PDCL2: variants seen among roughly 807,000 people sequenced by gnomAD.
PDCL2 encodes the protein phosducin-like protein 2.
A neutral mutation model predicts 30.3 loss-of-function variants in PDCL2; 23 were observed. The ratio of observed to expected loss-of-function variants is 0.76; its 90% CI spans 0.55 to 1.08. The LOEUF (loss-of-function observed/expected upper bound fraction) is 1.08, where lower values mean the gene tolerates loss of function less well. PDCL2 is among the 50% of genes least tolerant of loss of function. The pLI is 0.00. For missense variants in PDCL2, 243 were observed against 282.3 expected, an observed-to-expected ratio of 0.86 and a Z score of 1.00; for synonymous variants, 68 against 86.2, an observed-to-expected ratio of 0.79 and a Z score of 1.17.
chr4:55,582,701 C>A (rs1311147068), intron 1 of PDCL2, among the ~76,000 whole-genome samples: 2 of 151,816 alleles, frequency 1.3e-5, no homozygotes, highest in Non-Finnish European at 2.9e-5. Context: ...TTGTGTGCTG[C>A]ACCCATTAAC....
rs528343098 is a variant in PDCL2 at position 55,570,978 on chromosome 4, T to C, written c.219-1117A>G. ...CCCCTCCCAGGGCTAGTGAACTCCA[T>C]GAAATAGCAAACACTGTTCAAACGC... On this transcript the variant is annotated intron_variant, in intron 3 of 5. Transcript: ENST00000295645. Among the ~76,000 whole-genome samples the C allele has an allele frequency of 7.7e-4, 117 of 152,316 alleles. 1 individual carries two copies. Among genetic ancestry groups the C allele is most frequent in the Admixed American group, 1.5e-3 (23 of 15,296 alleles).
chr4:55,561,793 G>T (rs760982639), intron 5 of PDCL2, among the ~76,000 whole-genome samples: 24 of 152,038 alleles, frequency 1.6e-4, no homozygotes, highest in Non-Finnish European at 3.1e-4. Context: ...TAGGAGGCAT[G>T]GTCCATGCAC....
chr4:55,567,672 C>A (rs1423284382), intron 4 of PDCL2, among the ~76,000 whole-genome samples: 1 of 152,168 alleles, frequency 6.6e-6, no homozygotes, highest in Non-Finnish European at 1.5e-5. Context: ...TATAGCTTAA[C>A]AATATATTGC....
chr4:55,579,941 G>A (rs565543353), intron 3 of PDCL2, among the ~76,000 whole-genome samples: 7 of 151,746 alleles, frequency 4.6e-5, no homozygotes, highest in East Asian at 2.0e-4. Flanking sequence ...CTGCCCCACC[G>A]GGTTCAAGCG....
intron 1 of PDCL2, among the ~76,000 whole-genome samples, chr4:55,583,030 C>T (rs1248883079): frequency 8.5e-5 from 13 of 152,102 alleles, no homozygotes; most frequent in South Asian, 8.3e-4. Flanking sequence ...AGCTGGAATG[C>T]AGTGGCACAA....
At chr4:55,569,580 AC>A in intron 4 of PDCL2, 137 bp downstream of exon 4, 1 of 436,136 alleles carries the variant, frequency 2.3e-6, no homozygotes. Flanking sequence ...GACTATCAAA[AC>A]CTCTATGGAT....
At chr4:55,583,734 A>C (rs1732787185) in intron 1 of PDCL2, among the ~76,000 whole-genome samples, 1 of 152,180 alleles carries the variant, frequency 6.6e-6, no homozygotes, top group Admixed American at 6.5e-5. Flanking sequence ...CTGTAAATGC[A>C]TGAGTTCATT....
chr4:55,560,433 A>AC (rs1732103191), intron 5 of PDCL2, among the ~76,000 whole-genome samples: 1 of 151,998 alleles, frequency 6.6e-6, no homozygotes, highest in Non-Finnish European at 1.5e-5. Flanking sequence ...ATAAAGTGAG[A>AC]CCCCATCTCT....
intron 5 of PDCL2, among the ~76,000 whole-genome samples, chr4:55,559,748 C>A (rs1732075807): frequency 6.6e-6 from 1 of 152,088 alleles, no homozygotes; most frequent in South Asian, 2.1e-4. Flanking sequence ...AAGGTGAAAA[C>A]AACCTAGGTG....
At chr4:55,571,331 T>C (rs1251347692) in intron 3 of PDCL2, among the ~76,000 whole-genome samples, 1 of 151,780 alleles carries the variant, frequency 6.6e-6, no homozygotes, top group Non-Finnish European at 1.5e-5. Flanking sequence ...AGTAACCAAC[T>C]ATCCTTTCAA....
chr4:55,583,986 AT>A (rs903761041), intron 1 of PDCL2, among the ~76,000 whole-genome samples: 5 of 152,200 alleles, frequency 3.3e-5, no homozygotes, highest in Admixed American at 2.0e-4. Context: ...GAATCTACAG[AT>A]TGCTTTGGGT....
chr4:55,576,141 G>C (rs1732562879), intron 3 of PDCL2, among the ~76,000 whole-genome samples: 1 of 152,022 alleles, frequency 6.6e-6, no homozygotes, highest in Admixed American at 6.6e-5. Flanking sequence ...GCCTAGGCTG[G>C]AGTGCCGTGG....
chr4:55,582,136 A>T lies in PDCL2; in HGVS notation c.108T>A (p.Arg36=). 6.2e-7 allele frequency: 1 copy of T among 1,613,170 alleles called. No individual in the cohort carries two copies. Among genetic ancestry groups the T allele is most frequent in the Non-Finnish European group, 8.5e-7 (1 of 1,179,714 alleles). Reference sequence around the variant, plus strand: ...CCATACCCATTGCTTCTTTCTGTAAACGTAAAACCATTTCTTCAATTTCAT... The same window carrying T: ...CCATACCCATTGCTTCTTTCTGTAATCGTAAAACCATTTCTTCAATTTCAT... ...SKDEIEEMVL[R]LQKEAMVKPF... Residue 36 remains arginine (R), a synonymous_variant, in exon 2 of 6, where the codon CGT becomes CGA. Coordinates refer to ENST00000295645, the MANE Select transcript of PDCL2 (RefSeq NM_152401.3).
At chr4:55,580,702 GTTAC>G in intron 3 of PDCL2, 115 bp downstream of exon 3, 1 of 640,256 alleles carries the variant, frequency 1.6e-6, no homozygotes, top group Non-Finnish European at 2.4e-6. Flanking sequence ...GTTTCAAAAT[GTTAC>G]TTAAAAATTA....
chr4:55,588,434 T>G (rs1417995990), intron 1 of PDCL2, among the ~76,000 whole-genome samples: 2 of 152,200 alleles, frequency 1.3e-5, no homozygotes, highest in Non-Finnish European at 2.9e-5. Flanking sequence ...CTTATCTACT[T>G]CTGACCTTAA....
chr4:55,557,767 C>A (rs1732010324), intron 5 of PDCL2, among the ~76,000 whole-genome samples: 1 of 151,802 alleles, frequency 6.6e-6, no homozygotes, highest in Non-Finnish European at 1.5e-5. Flanking sequence ...ACTCAAGACA[C>A]AATTTATACT....
At chr4:55,578,653 T>C (rs546120040) in intron 3 of PDCL2, among the ~76,000 whole-genome samples, 108 of 152,268 alleles carry the variant, frequency 7.1e-4, no homozygotes, top group East Asian at 2.7e-3. Flanking sequence ...ATTAAAGTTA[T>C]GCATTACTGA....
At chr4:55,561,426 G>T (rs1358064960) in intron 5 of PDCL2, among the ~76,000 whole-genome samples, 1 of 152,008 alleles carries the variant, frequency 6.6e-6, no homozygotes, top group Non-Finnish European at 1.5e-5. Context: ...AGCCAGGTGT[G>T]GTGGTGGCCA....
rs1560507605 is a variant in PDCL2 at position 55,592,150 on chromosome 4, A to AG, written c.-42dup. Reference sequence around the variant, plus strand: ...CCCTCAAGAGCCCGCGTCGTCCTGCAGCTGGCGAGGCGCCACGGATGGAGA... The same window carrying AG: ...CCCTCAAGAGCCCGCGTCGTCCTGCAGGCTGGCGAGGCGCCACGGATGGAGA... On this transcript the variant is annotated 5_prime_UTR_variant, in exon 1 of 6. Transcript: ENST00000295645. 1 of 1,605,572 alleles carries AG rather than the reference A, an allele frequency of 6.2e-7. No individual in the cohort carries two copies. Among genetic ancestry groups the AG allele is most frequent in the South Asian group, 1.1e-5 (1 of 88,814 alleles).
Sources: gnomAD v4.1 joint callset for allele counts (sites outside exome capture counted in the v4.1 genomes callset) on GRCh38, gnomAD v4.1.1 for gene constraint, MANE v1.5 for transcripts, NCBI Gene and HGNC (gene_info 2026-07-23, HGNC 2026-07-21) for gene names.